The following GLP1R variants were observed in gnomAD, a reference collection of about 807,000 sequenced individuals.
GLP1R encodes glucagon-like peptide 1 receptor.
GLP1R carries 32 observed loss-of-function variants against 68.4 expected under a neutral mutation model. The observed-to-expected ratio is 0.47, with a 90% CI of 0.35 to 0.63. The LOEUF (loss-of-function observed/expected upper bound fraction) is 0.63, where lower values mean the gene tolerates loss of function less well. Among genes scored for constraint, GLP1R ranks in the 20% least tolerant of loss-of-function variants. The pLI, the probability that GLP1R is intolerant of heterozygous loss-of-function variation, is 0.00. For synonymous variants in GLP1R, 263 were observed against 244.4 expected, an observed-to-expected ratio of 1.08 and a Z score of -0.71; for missense variants, 502 against 594.9, an observed-to-expected ratio of 0.84 and a Z score of 1.62.
rs202016350 is a variant in GLP1R at position 39,066,175 on chromosome 6, G to A, written c.403-22G>A. The A allele has an allele frequency of 3.9e-5, 52 of 1,325,794 alleles. 1 individual carries two copies. The highest frequency in any genetic ancestry group is 1.4e-4 in the Admixed American group (8 of 58,996). The allele number at this position is 1,325,794 out of a possible 1,614,324, so 82.1% of individuals were successfully genotyped here. ...AGGGCCATGGGCTGCCCATGTACAC[G>A]TATGTCCCCCGTGTGCCACAGAGCT... On this transcript the variant is annotated intron_variant, in intron 4 of 12. Coordinates refer to ENST00000373256, the MANE Select transcript of GLP1R (RefSeq NM_002062.5).
At chr6:39,077,894 GA>G (rs1282418560) in intron 7 of GLP1R, among the ~76,000 whole-genome samples, 1 of 152,218 alleles carries the variant, frequency 6.6e-6, no homozygotes, top group African/African-American at 2.4e-5. Context: ...GTGCCTTTAG[GA>G]GTTGACTGGC....
intron 12 of GLP1R, among the ~76,000 whole-genome samples, chr6:39,081,226 C>T (rs909487147): frequency 6.6e-6 from 1 of 152,158 alleles, no homozygotes; most frequent in African/African-American, 2.4e-5. Context: ...GAGTCAGGAA[C>T]CTGCCCTAGG....
intron 5 of GLP1R, among the ~76,000 whole-genome samples, chr6:39,070,940 T>C (rs1347114307): frequency 1.3e-5 from 2 of 152,102 alleles, no homozygotes; most frequent in Admixed American, 6.6e-5. Flanking sequence ...AATTTAGTAT[T>C]GATAAATAAA....
At chr6:39,066,627 A>G (rs1046899554) in intron 5 of GLP1R, among the ~76,000 whole-genome samples, 1 of 152,258 alleles carries the variant, frequency 6.6e-6, no homozygotes, top group Non-Finnish European at 1.5e-5. Flanking sequence ...TCCAATGAAC[A>G]TGTGTAACTT....
At chr6:39,082,986 A>T (rs532394736) in intron 12 of GLP1R, among the ~76,000 whole-genome samples, 36 of 151,880 alleles carry the variant, frequency 2.4e-4, no homozygotes, top group Non-Finnish European at 4.3e-4. Context: ...GCCTCTCCAG[A>T]TTCCATCCTT....
At chr6:39,082,394 G>A (rs1387875996) in intron 12 of GLP1R, among the ~76,000 whole-genome samples, 4 of 152,170 alleles carry the variant, frequency 2.6e-5, no homozygotes, top group Admixed American at 6.5e-5. Context: ...GGGCTGTGGC[G>A]GGGGCAAGAT....
chr6:39,056,596 T>G (rs1470568044), intron 2 of GLP1R, 103 bp downstream of exon 2: 3 of 647,912 alleles, frequency 4.6e-6, no homozygotes, highest in Non-Finnish European at 8.6e-6. Flanking sequence ...TTTGCCTCTA[T>G]AGGATGCCAC....
chr6:39,058,666 C>CATCATCATCAT (rs1274232762), intron 3 of GLP1R, among the ~76,000 whole-genome samples: 4 of 151,994 alleles, frequency 2.6e-5, no homozygotes, highest in African/African-American at 9.7e-5. Flanking sequence ...TCATCATCAT[C>CATCATCATCAT]ATCACCATCA....
intron 5 of GLP1R, among the ~76,000 whole-genome samples, chr6:39,071,354 AAAAAAAAAAAAAAGAAAG>A (rs1369708936): frequency 6.7e-6 from 1 of 148,892 alleles, no homozygotes; most frequent in Admixed American, 6.6e-5. Flanking sequence ...TCAAAAAAAA[AAAAAAAAAAAAAAGAAAG>A]AAAGAAAGAA....
chr6:39,057,992 C>T (rs1412012288), intron 3 of GLP1R, among the ~76,000 whole-genome samples: 1 of 152,198 alleles, frequency 6.6e-6, no homozygotes, highest in East Asian at 1.9e-4. Context: ...GTCTTTAGGC[C>T]TCCTAGTGAG....
At chr6:39,063,796 A>AT (rs1476336610) in intron 3 of GLP1R, among the ~76,000 whole-genome samples, 2 of 151,922 alleles carry the variant, frequency 1.3e-5, no homozygotes, top group African/African-American at 4.8e-5. Flanking sequence ...TCCCTGCCAC[A>AT]TTTTTTGCTA....
chr6:39,070,654 T>C (rs74554871), intron 5 of GLP1R, among the ~76,000 whole-genome samples: 5,353 of 152,326 alleles, frequency 0.035, 322 homozygotes, highest in African/African-American at 0.12. Flanking sequence ...ACCTGAAGTA[T>C]GTGAAATTGC....
At chr6:39,078,437 C>T (rs1332355172) in intron 8 of GLP1R, 55 bp downstream of exon 8, 1 of 1,211,244 alleles carries the variant, frequency 8.3e-7, no homozygotes. Context: ...CCTCAAGGTC[C>T]ATGGGATTCC....
At chr6:39,072,201 T>G (rs1768688127) in intron 5 of GLP1R, among the ~76,000 whole-genome samples, 1 of 152,248 alleles carries the variant, frequency 6.6e-6, no homozygotes. Flanking sequence ...TTACTTCTGA[T>G]TCTTGTACAT....
chr6:39,065,611 G>T (rs1282757068), intron 3 of GLP1R, 100 bp from the exon 4 acceptor site: 4 of 677,114 alleles, frequency 5.9e-6, no homozygotes, highest in African/African-American at 1.8e-5. Context: ...TTCTGGGGGA[G>T]CAGGGATAGC....
intron 3 of GLP1R, among the ~76,000 whole-genome samples, 155 bp from the exon 4 acceptor site, chr6:39,065,556 G>T (rs1367975973): frequency 1.3e-5 from 2 of 152,218 alleles, no homozygotes; most frequent in African/African-American, 4.8e-5. Flanking sequence ...GTGTGTGTTT[G>T]TGTGTAAAGA....
chr6:39,066,128 T>G, intron 4 of GLP1R, 69 bp from the exon 5 acceptor site: 1 of 885,434 alleles, frequency 1.1e-6, no homozygotes, highest in Non-Finnish European at 1.8e-6. Flanking sequence ...CTCTGTGCCA[T>G]GGGAAGGAAG....
chr6:39,057,906 C>T (rs1184194833), intron 3 of GLP1R, among the ~76,000 whole-genome samples: 2 of 152,210 alleles, frequency 1.3e-5, no homozygotes, highest in Non-Finnish European at 2.9e-5. Context: ...CCTCCCCCAC[C>T]GTCCCCTGTA....
In GLP1R at chr6:39,065,727, G is replaced by T; in HGVS notation, c.300G>T (p.Val100=). The change falls in exon 4 of 13, where the codon GTG becomes GTT. Residue 100 remains valine, a synonymous_variant. Transcript: ENST00000373256. ...CCACCCCAGTGCCGCAGGGCCACGTGTACCGGTTCTGCACAGCTGAAGGCC... is the reference window on the plus strand; with the variant it reads ...CCACCCCAGTGCCGCAGGGCCACGTTTACCGGTTCTGCACAGCTGAAGGCC... The part of the protein sequence containing the change: ...PWASSVPQGH[V]YRFCTAEGLW... 6.4e-7 allele frequency: 1 copy of T among 1,568,030 alleles called. No individual in the cohort carries two copies.
Sources: allele counts gnomAD v4.1 joint callset (sites outside exome capture counted in the v4.1 genomes callset), GRCh38; gene constraint gnomAD v4.1.1; transcripts MANE v1.5; gene names NCBI Gene and HGNC (gene_info 2026-07-23, HGNC 2026-07-21).